The following RBFOX1 variants were observed in gnomAD, a reference collection of about 807,000 sequenced individuals.
RBFOX1 encodes RNA binding fox-1 homolog 1.
In RBFOX1, 8 loss-of-function variants were observed where a neutral mutation model predicts 57.7. That is an observed-to-expected ratio of 0.14 (90% CI 0.08 to 0.25). The LOEUF is 0.25. Ranked by LOEUF, RBFOX1 falls within the 10% of genes least tolerant of loss-of-function variation. The pLI, the probability that RBFOX1 is intolerant of heterozygous loss-of-function variation, is 1.00. For missense variants in RBFOX1, 611 were observed against 548.5 expected (o/e 1.11, Z -1.14); for synonymous variants, 326 against 222.4 (o/e 1.47, Z -4.15).
intron 3 of RBFOX1, among the ~76,000 whole-genome samples, chr16:6,855,753 C>A (rs147852823): frequency 3.4e-4 from 52 of 151,752 alleles, no homozygotes; most frequent in African/African-American, 1.2e-3. Context: ...AATTGCGCAG[C>A]CCTTGGAAGT....
At chr16:6,544,280 A>C (rs1424462627) in intron 2 of RBFOX1, among the ~76,000 whole-genome samples, 2 of 152,180 alleles carry the variant, frequency 1.3e-5, no homozygotes, top group African/African-American at 4.8e-5. Context: ...GCAAGAAATT[A>C]GCCTCATAAC....
At chr16:6,950,383 C>G (rs1035609226) in intron 3 of RBFOX1, among the ~76,000 whole-genome samples, 3 of 144,994 alleles carry the variant, frequency 2.1e-5, no homozygotes, top group African/African-American at 7.7e-5. Flanking sequence ...TGTCCACCCA[C>G]CACCCACTAC....
intron 1 of RBFOX1, among the ~76,000 whole-genome samples, chr16:5,436,268 G>C (rs1298774210): frequency 1.3e-5 from 2 of 152,134 alleles, no homozygotes; most frequent in Admixed American, 1.3e-4. Context: ...CAGTGACAAC[G>C]ACAAATAAAC....
At chr16:7,198,262 C>T (rs546168240) in intron 4 of RBFOX1, among the ~76,000 whole-genome samples, 1 of 152,066 alleles carries the variant, frequency 6.6e-6, no homozygotes. Context: ...GCCTTGGACT[C>T]CCAAAGTCCT....
At chr16:6,535,751 T>C (rs1379740465) in intron 2 of RBFOX1, among the ~76,000 whole-genome samples, 2 of 152,230 alleles carry the variant, frequency 1.3e-5, no homozygotes, top group East Asian at 3.8e-4. Flanking sequence ...TTCATCTTTC[T>C]CTGGGGCTAT....
At chr16:6,507,221 T>A (rs945932120) in intron 2 of RBFOX1, among the ~76,000 whole-genome samples, 1 of 152,160 alleles carries the variant, frequency 6.6e-6, no homozygotes, top group Admixed American at 6.6e-5. Flanking sequence ...CAATCCATTA[T>A]ACACATGATA....
intron 3 of RBFOX1, among the ~76,000 whole-genome samples, chr16:6,847,294 C>G (rs2093807708): frequency 6.6e-6 from 1 of 152,140 alleles, no homozygotes; most frequent in East Asian, 1.9e-4. Context: ...AGACTGTGCT[C>G]ATTTGGACAG....
At chr16:6,545,765 G>A (rs780433533) in intron 2 of RBFOX1, among the ~76,000 whole-genome samples, 29 of 152,292 alleles carry the variant, frequency 1.9e-4, no homozygotes, top group South Asian at 6.2e-4. Context: ...GAGGCTGATG[G>A]CATCTTTGTG....
intron 2 of RBFOX1, among the ~76,000 whole-genome samples, chr16:6,556,616 C>G (rs2097101727): frequency 6.6e-6 from 1 of 152,016 alleles, no homozygotes; most frequent in Admixed American, 6.6e-5. Context: ...AATATATAGC[C>G]TGAGATAAGA....
chr16:5,811,520 AGCTCACC>A (rs931415480), intron 3 of RBFOX1, among the ~76,000 whole-genome samples: 2 of 150,106 alleles, frequency 1.3e-5, no homozygotes, highest in Non-Finnish European at 3.0e-5. Flanking sequence ...GCACAATCTC[AGCTCACC>A]GCAACCTCTG....
chr16:5,782,486 C>G (rs1411386905), intron 3 of RBFOX1, among the ~76,000 whole-genome samples: 1 of 152,182 alleles, frequency 6.6e-6, no homozygotes, highest in Non-Finnish European at 1.5e-5. Context: ...AACACTGTTG[C>G]ATTGGGGATT....
intron 4 of RBFOX1, among the ~76,000 whole-genome samples, chr16:7,244,804 T>C (rs2094221061): frequency 1.3e-5 from 2 of 152,332 alleles, no homozygotes; most frequent in South Asian, 4.1e-4. Context: ...ATCAGACATA[T>C]GGCTGTCTTG....
At chr16:6,790,940 G>C (rs933718842) in intron 3 of RBFOX1, among the ~76,000 whole-genome samples, 4 of 151,446 alleles carry the variant, frequency 2.6e-5, no homozygotes, top group East Asian at 1.9e-4. Context: ...GGGTCTGACT[G>C]TGTCACCCAG....
At chr16:5,392,194 G>A (rs913082982) in intron 1 of RBFOX1, among the ~76,000 whole-genome samples, 14 of 151,958 alleles carry the variant, frequency 9.2e-5, no homozygotes, top group Non-Finnish European at 1.9e-4. Context: ...GTACTGCTTG[G>A]GTGATGGGTG....
chr16:6,000,733 GTGCA>G (rs2060584106), intron 4 of RBFOX1, among the ~76,000 whole-genome samples: 1 of 144,250 alleles, frequency 6.9e-6, no homozygotes, highest in East Asian at 2.7e-4. Context: ...GGGTGGATGA[GTGCA>G]TGGGTAGATG....
At position 7,700,825 on chromosome 16, in the gene RBFOX1, G is replaced by A. The variant is rs117769121; in HGVS notation, c.996-8231G>A. Among the ~76,000 whole-genome samples, 11 of 151,490 alleles carry A rather than the reference G, an allele frequency of 7.3e-5. No homozygotes were observed. The East Asian group carries it at 2.2e-3, about 30-fold the overall frequency. On this transcript the variant is annotated intron_variant, in intron 14 of 15. Transcript: ENST00000550418. ...CTGTTGGGTTTCAGAATAGGAAGAGGTTTTCAGAATAGGAAGAGGTTTTGA... is the reference window on the plus strand; with the variant it reads ...CTGTTGGGTTTCAGAATAGGAAGAGATTTTCAGAATAGGAAGAGGTTTTGA...
chr16:5,986,777 T>C (rs2060294727), intron 4 of RBFOX1, among the ~76,000 whole-genome samples: 1 of 152,236 alleles, frequency 6.6e-6, no homozygotes, highest in Non-Finnish European at 1.5e-5. Flanking sequence ...CACTGTTCAC[T>C]TGTTGAAGGA....
chr16:6,293,653 G>C (rs1340381813), intron 1 of RBFOX1, among the ~76,000 whole-genome samples: 2 of 152,130 alleles, frequency 1.3e-5, no homozygotes, highest in Non-Finnish European at 2.9e-5. Context: ...GTGAATACAA[G>C]ATCATAGAAA....
At chr16:7,167,709 C>G (rs2079854883) in intron 4 of RBFOX1, among the ~76,000 whole-genome samples, 1 of 152,226 alleles carries the variant, frequency 6.6e-6, no homozygotes. Flanking sequence ...CAAATCCAGC[C>G]TGACACCTGT....
Sources: allele counts gnomAD v4.1 joint callset (sites outside exome capture counted in the v4.1 genomes callset), GRCh38; gene constraint gnomAD v4.1.1; transcripts MANE v1.5; gene names NCBI Gene and HGNC (gene_info 2026-07-23, HGNC 2026-07-21).